The following ZNF181 variants were observed in gnomAD, a reference collection of about 807,000 sequenced individuals.
The protein encoded by ZNF181 is zinc finger protein 181 (HHZ181).
A neutral mutation model predicts 11.9 loss-of-function variants in ZNF181; 8 were observed. The ratio of observed to expected loss-of-function variants is 0.67; its 90% CI spans 0.39 to 1.21. The LOEUF (loss-of-function observed/expected upper bound fraction) is 1.21, where lower values mean the gene tolerates loss of function less well. Among genes scored for constraint, ZNF181 ranks in the 50% most tolerant of loss-of-function variants. The pLI, the probability that ZNF181 is intolerant of heterozygous loss-of-function variation, is 0.01. For missense variants in ZNF181, 542 were observed against 670.9 expected (o/e 0.81, Z 2.12); for synonymous variants, 202 against 221.1 (o/e 0.91, Z 0.77).
Position 34,740,791 on chromosome 19 carries a change from A to AT in ZNF181, c.413dup (p.Arg139GlnfsTer8), listed in dbSNP as rs777732503. On this transcript the variant is annotated frameshift_variant, in exon 4 of 4. Coordinates refer to ENST00000492450, the MANE Select transcript of ZNF181 (RefSeq NM_001029997.4). LOFTEE classifies it low-confidence loss of function (END_TRUNC). ...GGGAAGCATGGAAGTCAGGTAGACC[A>AT]TTTCAGACCAGCAATTCTCACCTCT... 1.2e-6 allele frequency: 2 copies of AT among 1,614,054 alleles called. No homozygotes were observed. The highest frequency in any genetic ancestry group is 1.7e-6 in the Non-Finnish European group (2 of 1,179,984).
At position 34,741,869 on chromosome 19, in the gene ZNF181, G is replaced by A. The variant is rs1276223480; in HGVS notation, c.1488G>A (p.Lys496=). The part of the protein sequence containing the change: ...EKPYECIKCG[K]TFSCSSNLTV... ...CTTATGAATGTATTAAATGTGGGAAGACCTTCAGCTGTAGTTCAAACCTTA... is the reference window on the plus strand; with the variant it reads ...CTTATGAATGTATTAAATGTGGGAAAACCTTCAGCTGTAGTTCAAACCTTA... The change falls in exon 4 of 4, where the codon AAG becomes AAA. Residue 496 remains lysine (K), a synonymous_variant. Transcript: ENST00000492450. 3.7e-6 allele frequency: 6 copies of A among 1,613,742 alleles called. No homozygotes were observed. The highest frequency in any genetic ancestry group is 5.1e-6 in the Non-Finnish European group (6 of 1,179,888).
chr19:34,735,011 C>CTGTT lies in ZNF181; in HGVS notation c.-26_-23dup. On this transcript the variant is annotated 5_prime_UTR_variant, in exon 1 of 4. Transcript: ENST00000492450. Reference sequence around the variant, plus strand: ...AAGATAAGAGCCTGGAAAGAGGACTCTGTTGGCTGTTGGAAATTGCAGAGT... The same window carrying CTGTT: ...AAGATAAGAGCCTGGAAAGAGGACTCTGTTTGTTGGCTGTTGGAAATTGCAGAGT... 1 of 1,575,122 alleles carries CTGTT rather than the reference C, an allele frequency of 6.3e-7. No individual in the cohort carries two copies.
rs766395262 is a variant in ZNF181, at chr19:34,741,410, TACTC to T, written c.1031_1034del (p.Thr344LysfsTer67). 7.4e-6 allele frequency: 12 copies of T among 1,613,920 alleles called. No homozygotes were observed. Among genetic ancestry groups the T allele is most frequent in the Non-Finnish European group, 8.5e-6 (10 of 1,179,860 alleles). The stretch of plus-strand genomic sequence containing the variant: ...ATCTTATTGAACATCTAAGAATTCA[TACTC>T]AAGAAAAACTCTATGAGTGTCGTAT... On this transcript the variant is annotated frameshift_variant, in exon 4 of 4. Coordinates refer to ENST00000492450, the MANE Select transcript of ZNF181 (RefSeq NM_001029997.4). LOFTEE classifies it low-confidence loss of function (END_TRUNC).
At chr19:34,736,038 G>T (rs1480201022) in intron 1 of ZNF181, 5 of 688,746 alleles carry the variant, frequency 7.3e-6, no homozygotes, top group Non-Finnish European at 1.3e-5. Flanking sequence ...TGTTCCTGGT[G>T]GGAGGAATCT....
chr19:34,741,422 A>T lies in ZNF181; in HGVS notation c.1041A>T (p.Lys347Asn). 1 of 1,613,512 alleles carries T rather than the reference A, an allele frequency of 6.2e-7. No homozygotes were observed. The highest frequency in any genetic ancestry group is 8.5e-7 in the Non-Finnish European group (1 of 1,179,822). Residue 347 changes from lysine to asparagine, a missense_variant, in exon 4 of 4, where the codon AAA becomes AAT. By Grantham distance (94) the Lys-to-Asn change is moderately conservative (BLOSUM62 0). Coordinates refer to ENST00000492450, the MANE Select transcript of ZNF181 (RefSeq NM_001029997.4). ...IEHLRIHTQE[K>N]LYECRICGKA... ...ATCTAAGAATTCATACTCAAGAAAAACTCTATGAGTGTCGTATATGTGGAA... is the reference window on the plus strand; with the variant it reads ...ATCTAAGAATTCATACTCAAGAAAATCTCTATGAGTGTCGTATATGTGGAA...
At chr19:34,739,452 G>A in intron 2 of ZNF181, 71 bp from the exon 3 acceptor site, 1 of 1,596,660 alleles carries the variant, frequency 6.3e-7, no homozygotes, top group East Asian at 2.2e-5. Flanking sequence ...ATCCCTTCCT[G>A]TGGTCCCTCT....
At position 34,740,592 on chromosome 19, in the gene ZNF181, CT is replaced by C; in HGVS notation, c.230-13del. On this transcript the variant is annotated intron_variant, in intron 3 of 3. Transcript: ENST00000492450. ...TAAAAAAAAACAAAACAGTGCTTTGCTTTTTTGATGTATTTCAGATTGGGAA... is the reference window on the plus strand; with the variant it reads ...TAAAAAAAAACAAAACAGTGCTTTGCTTTTTGATGTATTTCAGATTGGGAA... 6.6e-7 allele frequency: 1 copy of C among 1,526,108 alleles called. No individual in the cohort carries two copies. Among genetic ancestry groups the C allele is most frequent in the Non-Finnish European group, 8.8e-7 (1 of 1,140,586 alleles). The allele number at this position is 1,526,108 out of a possible 1,614,324, so 94.5% of individuals were successfully genotyped here. A position where few individuals can be genotyped will look rare whatever the true frequency, so the allele number is the denominator to read the frequency against.
Position 34,740,735 on chromosome 19 carries a change from G to T in ZNF181, c.354G>T (p.Lys118Asn), listed in dbSNP as rs3826982. The T allele has an allele frequency of 6.2e-7, 1 of 1,613,360 alleles. No individual in the cohort carries two copies. Among genetic ancestry groups the T allele is most frequent in the Non-Finnish European group, 8.5e-7 (1 of 1,179,756 alleles). ...VKQSYEFSNS[K>N]KNLEYIEKLE... ...AAAGTTATGAATTTTCAAATTCTAA[G>T]AAGAATTTGGAATATATAGAGAAGT... is the stretch of plus-strand genomic sequence containing the variant. Residue 118 changes from lysine to asparagine, a missense_variant, in exon 4 of 4, where the codon AAG becomes AAT. Transcript: ENST00000492450.
chr19:34,738,859 T>G (rs2068926021), intron 1 of ZNF181, among the ~76,000 whole-genome samples: 1 of 152,260 alleles, frequency 6.6e-6, no homozygotes, highest in Non-Finnish European at 1.5e-5. Flanking sequence ...TAAAAATTCA[T>G]GTATTTCTGT....
intron 1 of ZNF181, among the ~76,000 whole-genome samples, chr19:34,736,615 TA>T (rs1472882139): frequency 6.6e-6 from 1 of 152,248 alleles, no homozygotes; most frequent in African/African-American, 2.4e-5. Flanking sequence ...GTCAGTACAG[TA>T]GCCACCAGCC....
Position 34,745,017 on chromosome 19 carries a change from A to G in ZNF181, c.*2920A>G, listed in dbSNP as rs1273223617. 3 of 152,260 alleles carry G rather than the reference A, an allele frequency of 2.0e-5. No homozygotes were observed. Among genetic ancestry groups the G allele is most frequent in the Non-Finnish European group, 4.4e-5 (3 of 68,044 alleles). 9.4% of individuals were successfully genotyped at this position (152,260 alleles called of 1,614,324 possible). A position where few individuals can be genotyped will look rare whatever the true frequency, so the allele number is the denominator to read the frequency against. On this transcript the variant is annotated 3_prime_UTR_variant, in exon 4 of 4. Coordinates refer to ENST00000492450, the MANE Select transcript of ZNF181 (RefSeq NM_001029997.4). ...ATACAGAACTAGGAAAAAGAAGGCCATCTTTTTAAATGAAGATAGTTTTAA... is the reference window on the plus strand; with the variant it reads ...ATACAGAACTAGGAAAAAGAAGGCCGTCTTTTTAAATGAAGATAGTTTTAA...
rs933502268 is a variant in ZNF181 at position 34,743,641 on chromosome 19, T to G, written c.*1544T>G. 2 of 152,198 alleles carry G rather than the reference T, an allele frequency of 1.3e-5. No homozygotes were observed. The highest frequency in any genetic ancestry group is 2.1e-4 in the South Asian group (1 of 4,828). The allele number at this position is 152,198 out of a possible 1,614,324, so 9.4% of individuals were successfully genotyped here. ...TGTCTAGTTTCAGATTCTGTGGCTT[T>G]GAGGTAGTGCTGCTGGCAGCATCAT... On this transcript the variant is annotated 3_prime_UTR_variant, in exon 4 of 4. Coordinates refer to ENST00000492450, the MANE Select transcript of ZNF181 (RefSeq NM_001029997.4).
Position 34,741,773 on chromosome 19 carries a change from T to C in ZNF181, c.1392T>C (p.Ser464=), listed in dbSNP as rs370071209. The C allele has an allele frequency of 1.9e-6, 3 of 1,614,014 alleles. No individual in the cohort carries two copies. The highest frequency in any genetic ancestry group is 1.7e-6 in the Non-Finnish European group (2 of 1,179,958). Residue 464 remains serine (S), a synonymous_variant, in exon 4 of 4, where the codon AGT becomes AGC. Transcript: ENST00000492450. The stretch of plus-strand genomic sequence containing the variant: ...TTAGATTGAAACCCTACGAATGCAG[T>C]ATATGTGGGAAAGCCTTTAGTCATA... The part of the protein sequence containing the change: ...NHIRLKPYEC[S]ICGKAFSHRS...
At chr19:34,739,045 G>A (rs1230792369) in intron 1 of ZNF181, 103 bp from the exon 2 acceptor site, 10 of 1,541,606 alleles carry the variant, frequency 6.5e-6, no homozygotes, top group Non-Finnish European at 8.8e-6. Flanking sequence ...CACAACTCCT[G>A]AATCTTGTTC....
chr19:34,741,024 A>T lies in ZNF181; in HGVS notation c.643A>T (p.Ser215Cys). 2 of 1,614,180 alleles carry T rather than the reference A, an allele frequency of 1.2e-6. No homozygotes were observed. Among genetic ancestry groups the T allele is most frequent in the Non-Finnish European group, 1.7e-6 (2 of 1,179,990 alleles). Residue 215 changes from serine to cysteine, a missense_variant, in exon 4 of 4, where the codon AGT (serine) becomes TGT (cysteine). Ser to Cys is a moderately radical substitution (Grantham distance 112). Transcript: ENST00000492450. ...GGKKLLNSNKSGAAFSQGKSL... is the reference protein window; with the variant it reads ...GGKKLLNSNKCGAAFSQGKSL... ...AAAGAAACTTTTGAATTCTAATAAA[A>T]GTGGGGCAGCCTTCAGCCAGGGCAA...
At chr19:34,739,455 G>T (rs1262091307) in intron 2 of ZNF181, 68 bp from the exon 3 acceptor site, 1 of 1,598,772 alleles carries the variant, frequency 6.3e-7, no homozygotes, top group Non-Finnish European at 8.6e-7. Context: ...CCTTCCTGTG[G>T]TCCCTCTTGT....
At position 34,740,948 on chromosome 19, in the gene ZNF181, G is replaced by A; in HGVS notation, c.567G>A (p.Lys189=). The A allele has an allele frequency of 6.2e-7, 1 of 1,613,704 alleles. No homozygotes were observed. Among genetic ancestry groups the A allele is most frequent in the South Asian group, 1.1e-5 (1 of 91,014 alleles). Residue 189 remains lysine, a synonymous_variant, in exon 4 of 4, where the codon AAG becomes AAA. Coordinates refer to ENST00000492450, the MANE Select transcript of ZNF181 (RefSeq NM_001029997.4). ...EGNSHKYDIL[K]KNLPKKSVIK... ...ATTCACACAAATATGATATATTAAA[G>A]AAGAACTTACCAAAAAAGTCAGTTA...
chr19:34,740,832 G>A lies in ZNF181; in HGVS notation c.451G>A (p.Ala151Thr). Residue 151 changes from alanine (A) to threonine (T), a missense_variant, in exon 4 of 4, where the codon GCA becomes ACA. Ala to Thr is a moderately conservative substitution (Grantham distance 58). Transcript: ENST00000492450. Reference sequence around the variant, plus strand: ...TCTCACCTCTAGAGAAAGCCCCACTGCAGACAGTGTTTACAAATACAATAT... The same window carrying A: ...TCTCACCTCTAGAGAAAGCCCCACTACAGACAGTGTTTACAAATACAATAT... Reference protein sequence around the residue: ...AILTSRESPTADSVYKYNIFR... With the variant: ...AILTSRESPTTDSVYKYNIFR... 1 of 1,614,084 alleles carries A rather than the reference G, an allele frequency of 6.2e-7. No individual in the cohort carries two copies. The highest frequency in any genetic ancestry group is 1.3e-5 in the African/African-American group (1 of 75,056).
rs1484332840 is a variant in ZNF181, at chr19:34,742,458, G to C, written c.*361G>C. On this transcript the variant is annotated 3_prime_UTR_variant, in exon 4 of 4. Coordinates refer to ENST00000492450, the MANE Select transcript of ZNF181 (RefSeq NM_001029997.4). ...AATTGAGGGAAGTCTTCAGTTCCAA[G>C]TATATCCCTTATTCTACAGCAGAGA... 1 of 162,190 alleles carries C rather than the reference G, an allele frequency of 6.2e-6. No individual in the cohort carries two copies. The highest frequency in any genetic ancestry group is 1.3e-5 in the Non-Finnish European group (1 of 74,236). 10.0% of individuals were successfully genotyped at this position (162,190 alleles called of 1,614,324 possible).
Sources: gnomAD v4.1 joint callset for allele counts (sites outside exome capture counted in the v4.1 genomes callset) on GRCh38, gnomAD v4.1.1 for gene constraint, MANE v1.5 for transcripts, NCBI Gene and HGNC (gene_info 2026-07-23, HGNC 2026-07-21) for gene names.